Variants in OSBPL9 observed in about 807,000 individuals in gnomAD.
OSBPL9 encodes oxysterol-binding protein-related protein 9.
OSBPL9 carries 40 observed loss-of-function variants against 106.6 expected under a neutral mutation model. The observed-to-expected ratio is 0.38, with a 90% CI of 0.29 to 0.49. The LOEUF (loss-of-function observed/expected upper bound fraction) is 0.49. Ranked by LOEUF, OSBPL9 falls within the 20% of genes least tolerant of loss-of-function variation. The pLI is 0.97. For missense variants in OSBPL9, 609 were observed against 887.2 expected (o/e 0.69, Z 3.98); for synonymous variants, 269 against 295.4 (o/e 0.91, Z 0.92).
At chr1:51,699,216 C>T (rs1656718415) in intron 3 of OSBPL9, among the ~76,000 whole-genome samples, 1 of 152,094 alleles carries the variant, frequency 6.6e-6, no homozygotes, top group African/African-American at 2.4e-5. Context: ...TACATTAGTC[C>T]TGCTCCTGCT....
At chr1:51,737,864 A>G (rs1407726311) in intron 4 of OSBPL9, among the ~76,000 whole-genome samples, 1 of 152,038 alleles carries the variant, frequency 6.6e-6, no homozygotes, top group Non-Finnish European at 1.5e-5. Flanking sequence ...TGTCTTAAAA[A>G]TCCTAGCTAT....
At position 51,788,353 on chromosome 1, in the gene OSBPL9, T is replaced by A. The variant is rs528444972; in HGVS notation, c.*564T>A. ...ATTTCATGGTCTTACCTACAATAACTTTTATTTTGGAATTGAACTATTATT... is the reference window on the plus strand; with the variant it reads ...ATTTCATGGTCTTACCTACAATAACATTTATTTTGGAATTGAACTATTATT... On this transcript the variant is annotated 3_prime_UTR_variant, in exon 24 of 24. Transcript: ENST00000428468. The A allele has an allele frequency of 6.5e-6, 1 of 152,804 alleles. No individual in the cohort carries two copies. Among genetic ancestry groups the A allele is most frequent in the South Asian group, 2.1e-4 (1 of 4,824 alleles). 9.5% of individuals were successfully genotyped at this position (152,804 alleles called of 1,614,324 possible). A position where few individuals can be genotyped will look rare whatever the true frequency, so the allele number is the denominator to read the frequency against.
the OSBPL9 span, chr1:51,519,328 CG>C: frequency 1.3e-5 from 1 of 74,712 alleles, no homozygotes. Context: ...GAGGCCGGGG[CG>C]GGCGGGCGGG....
intron 1 of OSBPL9, among the ~76,000 whole-genome samples, chr1:51,585,962 C>G (rs1645245409): frequency 6.6e-6 from 1 of 151,560 alleles, no homozygotes; most frequent in African/African-American, 2.4e-5. Context: ...CACTTGAGGT[C>G]AGGAGTTTAA....
At chr1:51,759,726 C>G (rs1225997006) in intron 9 of OSBPL9, 1 of 152,132 alleles carries the variant, frequency 6.6e-6, no homozygotes, top group Non-Finnish European at 1.5e-5. Context: ...TTTTAAAATG[C>G]CTTCATGCTG....
chr1:51,735,950 T>TATA (rs1339355989), intron 4 of OSBPL9, among the ~76,000 whole-genome samples: 1 of 152,242 alleles, frequency 6.6e-6, no homozygotes, highest in Non-Finnish European at 1.5e-5. Flanking sequence ...AACCAACTAA[T>TATA]ATAATAAATC....
upstream of OSBPL9, among the ~76,000 whole-genome samples, chr1:51,576,269 C>T (rs1433475949): frequency 6.6e-6 from 1 of 152,194 alleles, no homozygotes; most frequent in African/African-American, 2.4e-5. Context: ...CCACCTCTGT[C>T]ACTCCCTCCT....
intron 20 of OSBPL9, 24 bp from the exon 21 acceptor site, chr1:51,785,784 A>G (rs566048036): frequency 6.2e-7 from 1 of 1,602,614 alleles, no homozygotes; most frequent in African/African-American, 1.3e-5. Context: ...TGAGACTAAC[A>G]CAAGTATTTC....
chr1:51,667,302 G>A (rs1570932288), intron 2 of OSBPL9, among the ~76,000 whole-genome samples: 2 of 152,116 alleles, frequency 1.3e-5, no homozygotes, highest in Non-Finnish European at 2.9e-5. Context: ...CATCATCATA[G>A]TCAATTTTAG....
chr1:51,765,977 A>G lies in OSBPL9; in HGVS notation c.934A>G (p.Ile312Val). 6.2e-7 allele frequency: 1 copy of G among 1,609,476 alleles called. No homozygotes were observed. Among genetic ancestry groups the G allele is most frequent in the East Asian group, 2.2e-5 (1 of 44,744 alleles). ...HQSGSSPKRL[I>V]DSSGSASVLT... ...AAGTGGCTCATCCCCAAAGCGCTTAATAGAGTGAGTAGATGAACAGAATAT... is the reference window on the plus strand; with the variant it reads ...AAGTGGCTCATCCCCAAAGCGCTTAGTAGAGTGAGTAGATGAACAGAATAT... The change falls in exon 12 of 24, where the codon ATA becomes GTA. Residue 312 changes from isoleucine to valine, a missense_variant. Ile to Val is a conservative substitution (Grantham distance 29). Around this residue, in one of 5 missense-constraint regions of OSBPL9, gnomAD observed 356 missense variants for 505.8 expected, o/e 0.70. Coordinates refer to ENST00000428468, the MANE Select transcript of OSBPL9 (RefSeq NM_024586.6).
chr1:51,776,851 A>T lies in OSBPL9; in HGVS notation c.1189A>T (p.Ile397Phe), dbSNP rs780768538. The T allele has an allele frequency of 6.2e-7, 1 of 1,609,946 alleles. No homozygotes were observed. Among genetic ancestry groups the T allele is most frequent in the Non-Finnish European group, 8.5e-7 (1 of 1,177,390 alleles). Residue 397 changes from isoleucine to phenylalanine, a missense_variant, in exon 15 of 24, where the codon ATT (isoleucine) becomes TTT (phenylalanine). By Grantham distance (21) the Ile-to-Phe change is conservative. Around this residue, in one of 5 missense-constraint regions of OSBPL9, gnomAD observed 356 missense variants for 505.8 expected, o/e 0.70. Transcript: ENST00000428468. ...DLTKVVLPTF[I>F]LERRSLLEMY... ...TTTTCAGGTAGTTCTTCCAACGTTT[A>T]TTCTTGAAAGAAGATCTCTTTTAGA...
intron 2 of OSBPL9, among the ~76,000 whole-genome samples, chr1:51,663,508 G>C (rs1253196557): frequency 1.3e-5 from 2 of 152,130 alleles, no homozygotes; most frequent in Non-Finnish European, 2.9e-5. Flanking sequence ...TTTTTAAATT[G>C]GAGGATTTAC....
chr1:51,747,620 A>G (rs1437875839), intron 6 of OSBPL9, among the ~76,000 whole-genome samples: 2 of 98,200 alleles, frequency 2.0e-5, no homozygotes, highest in African/African-American at 4.1e-5. Flanking sequence ...GCTCTTTTAT[A>G]CCTGTTAATA....
chr1:51,557,748 G>A, the OSBPL9 span, among the ~76,000 whole-genome samples: 20 of 152,090 alleles, frequency 1.3e-4, no homozygotes, highest in Non-Finnish European at 2.5e-4. Context: ...AAATGGCAAC[G>A]GTAAGTCCTA....
At chr1:51,602,672 C>T (rs1049542249) in intron 2 of OSBPL9, among the ~76,000 whole-genome samples, 2 of 152,074 alleles carry the variant, frequency 1.3e-5, no homozygotes, top group Middle Eastern at 3.4e-3. Context: ...TCTCAAACTC[C>T]TGGGCTCAAG....
chr1:51,726,861 G>C (rs1333662424), intron 4 of OSBPL9, among the ~76,000 whole-genome samples: 1 of 151,994 alleles, frequency 6.6e-6, no homozygotes, highest in Non-Finnish European at 1.5e-5. Flanking sequence ...TAGCTTCTTG[G>C]TACAAGATGG....
At chr1:51,552,710 C>T in the OSBPL9 span, among the ~76,000 whole-genome samples, 10 of 152,022 alleles carry the variant, frequency 6.6e-5, no homozygotes, top group Non-Finnish European at 1.3e-4. Flanking sequence ...CTGCAACCTC[C>T]GCCTCCCAGG....
chr1:51,531,702 A>G, the OSBPL9 span, among the ~76,000 whole-genome samples: 2 of 152,230 alleles, frequency 1.3e-5, no homozygotes, highest in Non-Finnish European at 2.9e-5. Context: ...TTGGAATAAG[A>G]GTCTGGAGTT....
In OSBPL9 at chr1:51,695,806, A is replaced by G. The variant is rs578105960; in HGVS notation, c.242-18197A>G. On this transcript the variant is annotated intron_variant, in intron 3 of 23. Coordinates refer to ENST00000428468, the MANE Select transcript of OSBPL9 (RefSeq NM_024586.6). ...GTTGTTGTGAAAATTTAGTTAATACATGTTATATGCTTAGAACCGTGCTGA... is the reference window on the plus strand; with the variant it reads ...GTTGTTGTGAAAATTTAGTTAATACGTGTTATATGCTTAGAACCGTGCTGA... Among the ~76,000 whole-genome samples, 11 of 152,342 alleles carry G rather than the reference A, an allele frequency of 7.2e-5. No homozygotes were observed. In the South Asian group the frequency reaches 2.3e-3, roughly 32 times the overall value.
Sources: gnomAD v4.1 joint callset for allele counts (sites outside exome capture counted in the v4.1 genomes callset) on GRCh38, gnomAD v4.1.1 for gene constraint, gnomAD v4.1.1 regional missense constraint, MANE v1.5 for transcripts, NCBI Gene and HGNC (gene_info 2026-07-23, HGNC 2026-07-21) for gene names.